Variants in TMEM108 observed in about 807,000 individuals in gnomAD.
The protein encoded by TMEM108 is transmembrane protein 108.
A neutral mutation model predicts 35.1 loss-of-function variants in TMEM108; 12 were observed. The ratio of observed to expected loss-of-function variants is 0.34; its 90% CI spans 0.22 to 0.55. The LOEUF is 0.55. Among genes scored for constraint, TMEM108 ranks in the 20% least tolerant of loss-of-function variants. TMEM108 has a pLI of 0.89. For missense variants in TMEM108, 680 were observed against 753.3 expected, an observed-to-expected ratio of 0.90 and a Z score of 1.14; for synonymous variants, 287 against 308.6, an observed-to-expected ratio of 0.93 and a Z score of 0.73.
At chr3:133,060,369 G>T (rs973206523) in intron 2 of TMEM108, among the ~76,000 whole-genome samples, 2 of 152,198 alleles carry the variant, frequency 1.3e-5, no homozygotes, top group Non-Finnish European at 2.9e-5. Flanking sequence ...AGCATGGCCT[G>T]TAGCACAGAT....
chr3:133,111,559 G>A (rs1278082757), intron 2 of TMEM108, among the ~76,000 whole-genome samples: 2 of 152,042 alleles, frequency 1.3e-5, no homozygotes, highest in African/African-American at 4.8e-5. Context: ...AGATGTGTGT[G>A]TATTCATATA....
In TMEM108 at chr3:133,174,136, G is replaced by T. The variant is rs192992713; in HGVS notation, c.-46-55130G>T. Among the ~76,000 whole-genome samples the T allele has an allele frequency of 2.7e-3, 406 of 152,350 alleles. 3 individuals are homozygous for T. Among genetic ancestry groups the T allele is most frequent in the African/African-American group, 9.3e-3 (386 of 41,578 alleles). ...GGTGGCAGCGAGGCTGGGGGAGGGT[G>T]CCTGCCATTGCTGAAGCTTGAGCAG... On this transcript the variant is annotated intron_variant, in intron 2 of 5. Coordinates refer to ENST00000321871, the MANE Select transcript of TMEM108 (RefSeq NM_023943.4).
At chr3:133,188,864 A>G (rs1406271553) in intron 2 of TMEM108, among the ~76,000 whole-genome samples, 2 of 152,206 alleles carry the variant, frequency 1.3e-5, no homozygotes, top group Non-Finnish European at 2.9e-5. Context: ...TTAGGGACCC[A>G]GAACTCATCT....
chr3:133,386,347 G>A (rs1210337758), intron 4 of TMEM108: 8 of 1,509,496 alleles, frequency 5.3e-6, no homozygotes, highest in Non-Finnish European at 7.1e-6. Context: ...GCCCGGGAAA[G>A]AGCAATTCAA....
intron 2 of TMEM108, among the ~76,000 whole-genome samples, chr3:133,179,410 T>C (rs1945293644): frequency 6.6e-6 from 1 of 152,154 alleles, no homozygotes; most frequent in Non-Finnish European, 1.5e-5. Flanking sequence ...CCAACCCAAA[T>C]GCCCAACAAT....
intron 3 of TMEM108, among the ~76,000 whole-genome samples, chr3:133,280,281 A>G (rs1253842550): frequency 6.6e-6 from 1 of 152,162 alleles, no homozygotes; most frequent in Non-Finnish European, 1.5e-5. Context: ...ATTTTCCCCA[A>G]TATATATTTT....
chr3:133,363,465 G>T (rs2072415893), intron 3 of TMEM108, among the ~76,000 whole-genome samples: 1 of 150,552 alleles, frequency 6.6e-6, no homozygotes, highest in Non-Finnish European at 1.5e-5. Context: ...AAGCTGAAGT[G>T]CAGTAGCGTG....
chr3:133,284,703 A>G (rs1946960694), intron 3 of TMEM108, among the ~76,000 whole-genome samples: 3 of 152,228 alleles, frequency 2.0e-5, no homozygotes, highest in South Asian at 2.1e-4. Flanking sequence ...TTCTTTGCAT[A>G]TTATTTTTCT....
At chr3:133,371,324 G>A (rs913674333) in intron 3 of TMEM108, among the ~76,000 whole-genome samples, 1 of 152,070 alleles carries the variant, frequency 6.6e-6, no homozygotes, top group Non-Finnish European at 1.5e-5. Flanking sequence ...CAGCTGCATG[G>A]GCTGAGTCTA....
intron 3 of TMEM108, among the ~76,000 whole-genome samples, chr3:133,361,436 G>T (rs1466665000): frequency 6.6e-6 from 1 of 152,216 alleles, no homozygotes; most frequent in Non-Finnish European, 1.5e-5. Context: ...GTTTAATGAG[G>T]TAGCGGAGGA....
At chr3:133,349,193 C>A (rs1158789458) in intron 3 of TMEM108, among the ~76,000 whole-genome samples, 2 of 152,000 alleles carry the variant, frequency 1.3e-5, no homozygotes, top group Non-Finnish European at 2.9e-5. Context: ...TTAAGTTGAC[C>A]AAAACTGAGG....
intron 2 of TMEM108, among the ~76,000 whole-genome samples, chr3:133,208,411 G>C (rs999485228): frequency 3.9e-5 from 6 of 152,180 alleles, no homozygotes; most frequent in Non-Finnish European, 8.8e-5. Flanking sequence ...TGTAAACTTG[G>C]GTTTGCCACC....
Position 133,396,013 on chromosome 3 carries a change from C to A in TMEM108, c.*27C>A. ...TACAGCAGGCATCACTTTGCCATTCCGTATTTTTCGTCTCTAAATTATAAA... is the reference window on the plus strand; with the variant it reads ...TACAGCAGGCATCACTTTGCCATTCAGTATTTTTCGTCTCTAAATTATAAA... On this transcript the variant is annotated 3_prime_UTR_variant, in exon 6 of 6. Transcript: ENST00000321871. 3 of 1,487,128 alleles carry A rather than the reference C, an allele frequency of 2.0e-6. No individual in the cohort carries two copies. The highest frequency in any genetic ancestry group is 1.8e-6 in the Non-Finnish European group (2 of 1,116,698). The allele number at this position is 1,487,128 out of a possible 1,614,324, so 92.1% of individuals were successfully genotyped here. A position where few individuals can be genotyped will look rare whatever the true frequency, so the allele number is the denominator to read the frequency against.
At chr3:133,040,689 AAC>A (rs1213817237) in intron 1 of TMEM108, among the ~76,000 whole-genome samples, 1 of 152,310 alleles carries the variant, frequency 6.6e-6, no homozygotes, top group East Asian at 1.9e-4. Context: ...AAGGTTGGGA[AAC>A]ACTGATTAGG....
intron 2 of TMEM108, among the ~76,000 whole-genome samples, chr3:133,078,140 A>AGTGT (rs745912251): frequency 7.5e-5 from 8 of 106,222 alleles, no homozygotes; most frequent in Non-Finnish European, 1.5e-4. Flanking sequence ...TATGGAGCTC[A>AGTGT]GTGTGTGTGT....
rs561989586 is a variant in TMEM108, at chr3:133,329,917, A to C, written c.41-49835A>C. On this transcript the variant is annotated intron_variant, in intron 3 of 5. Coordinates refer to ENST00000321871, the MANE Select transcript of TMEM108 (RefSeq NM_023943.4). Reference sequence around the variant, plus strand: ...CCTCTACCTAGAGAGGATTAAGTCTAAAATCTCCTGCATCAAGAATCTTGG... The same window carrying C: ...CCTCTACCTAGAGAGGATTAAGTCTCAAATCTCCTGCATCAAGAATCTTGG... Among the ~76,000 whole-genome samples, 3 of 152,304 alleles carry C rather than the reference A, an allele frequency of 2.0e-5. No individual in the cohort carries two copies. In the East Asian group the frequency reaches 5.8e-4, roughly 29 times the overall value.
intron 2 of TMEM108, among the ~76,000 whole-genome samples, chr3:133,159,321 T>C (rs1944927146): frequency 6.6e-6 from 1 of 152,196 alleles, no homozygotes; most frequent in African/African-American, 2.4e-5. Flanking sequence ...CCATGGCCCA[T>C]TCCCCTGGAA....
chr3:133,097,702 T>C (rs1944032985), intron 2 of TMEM108, among the ~76,000 whole-genome samples: 1 of 152,220 alleles, frequency 6.6e-6, no homozygotes, highest in Non-Finnish European at 1.5e-5. Flanking sequence ...TAGTTTGGCT[T>C]GGTTTAATTT....
At chr3:133,337,930 G>A (rs1165278136) in intron 3 of TMEM108, among the ~76,000 whole-genome samples, 7 of 152,120 alleles carry the variant, frequency 4.6e-5, no homozygotes, top group South Asian at 2.1e-4. Flanking sequence ...GAATGTATCA[G>A]GGTCTTTTAA....
Sources: allele counts gnomAD v4.1 joint callset (sites outside exome capture counted in the v4.1 genomes callset), GRCh38; gene constraint gnomAD v4.1.1; transcripts MANE v1.5; gene names NCBI Gene and HGNC (gene_info 2026-07-23, HGNC 2026-07-21).